The following ZMYM2 variants were observed in gnomAD, a reference collection of about 807,000 sequenced individuals.
The protein encoded by ZMYM2 is zinc finger MYM-type protein 2.
In ZMYM2, 56 loss-of-function variants were observed where a neutral mutation model predicts 162.8. The ratio of observed to expected loss-of-function variants is 0.34; its 90% CI spans 0.28 to 0.43. The LOEUF is 0.43. Among genes scored for constraint, ZMYM2 ranks in the 20% least tolerant of loss-of-function variants. The pLI, the probability that ZMYM2 is intolerant of heterozygous loss-of-function variation, is 1.00. For missense variants in ZMYM2, 1,275 were observed against 1,621.8 expected (o/e 0.79, Z 3.67); for synonymous variants, 510 against 541.6 (o/e 0.94, Z 0.81).
rs1239819535 is a variant in ZMYM2, at chr13:20,086,167, AGT to A, written c.*155_*156del. 6.3e-6 allele frequency: 4 copies of A among 632,370 alleles called. No homozygotes were observed. In the Admixed American group the frequency reaches 1.3e-4, roughly 21 times the overall value. 39.2% of individuals were successfully genotyped at this position (632,370 alleles called of 1,614,324 possible). ...GGTATTACCATGTAAATAATCTGTG[AGT>A]GAAAGTTGCCATTATTCTATGTAGT... On this transcript the variant is annotated 3_prime_UTR_variant, in exon 25 of 25. Coordinates refer to ENST00000610343, the MANE Select transcript of ZMYM2 (RefSeq NM_197968.4).
chr13:19,905,165 C>G, the ZMYM2 span, among the ~76,000 whole-genome samples: 1 of 152,016 alleles, frequency 6.6e-6, no homozygotes, highest in Admixed American at 6.6e-5. Context: ...TCATGCACCA[C>G]CACGCTCCAG....
rs377254375 is a variant in ZMYM2 at position 20,005,212 on chromosome 13, A to G, written c.1272A>G (p.Arg424=). The G allele has an allele frequency of 1.3e-6, 2 of 1,579,208 alleles. No individual in the cohort carries two copies. Among genetic ancestry groups the G allele is most frequent in the African/African-American group, 2.8e-5 (2 of 72,620 alleles). Residue 424 remains arginine, a synonymous_variant, in exon 5 of 25, where the codon AGA becomes AGG. Transcript: ENST00000610343. ...CTAAAGGAGCTCTAAATAAATCAAGATGTACAATCTGTGGTAAACTAACTG... is the reference window on the plus strand; with the variant it reads ...CTAAAGGAGCTCTAAATAAATCAAGGTGTACAATCTGTGGTAAACTAACTG... ...NPTKGALNKS[R]CTICGKLTEI... is the part of the protein sequence containing the mutation.
At chr13:20,028,662 G>A (rs1438169879) in intron 9 of ZMYM2, among the ~76,000 whole-genome samples, 1 of 152,164 alleles carries the variant, frequency 6.6e-6, no homozygotes, top group Non-Finnish European at 1.5e-5. Flanking sequence ...TACAGTGCAA[G>A]TCTTCCTGTG....
At chr13:19,893,611 G>A in the ZMYM2 span, among the ~76,000 whole-genome samples, 3 of 151,650 alleles carry the variant, frequency 2.0e-5, no homozygotes, top group Non-Finnish European at 4.4e-5. Flanking sequence ...GTGGTGGCGG[G>A]TGCCTGTAAT....
At chr13:20,077,890 T>TG (rs762775676) in intron 21 of ZMYM2, among the ~76,000 whole-genome samples, 1 of 151,202 alleles carries the variant, frequency 6.6e-6, no homozygotes, top group Non-Finnish European at 1.5e-5. Context: ...TCACCCAGGC[T>TG]GGAGTGCAGT....
At chr13:20,019,159 A>G (rs182844602) in intron 6 of ZMYM2, among the ~76,000 whole-genome samples, 1 of 152,168 alleles carries the variant, frequency 6.6e-6, no homozygotes, top group East Asian at 1.9e-4. Context: ...TTGTAGCTGT[A>G]TAATCTCCAA....
intron 2 of ZMYM2, among the ~76,000 whole-genome samples, 191 bp from the exon 3 acceptor site, chr13:19,992,872 G>A (rs1405692717): frequency 6.6e-6 from 1 of 151,392 alleles, no homozygotes; most frequent in Non-Finnish European, 1.5e-5. Context: ...TTGTTATCCT[G>A]CAAAAGTTAA....
At chr13:20,075,670 C>CTTTTTTTTTTTTTTTTTTTT (rs56664916) in intron 21 of ZMYM2, among the ~76,000 whole-genome samples, 26 of 75,718 alleles carry the variant, frequency 3.4e-4, no homozygotes, top group African/African-American at 3.8e-4. Flanking sequence ...CTATAGACAC[C>CTTTTTTTTTTTTTTTTTTTT]TTTTTTTTTT....
chr13:19,899,545 C>T, the ZMYM2 span, among the ~76,000 whole-genome samples: 401 of 151,894 alleles, frequency 2.6e-3, 4 homozygotes, highest in African/African-American at 9.3e-3. Context: ...AGGCTGGGCT[C>T]GGTGACTCAT....
the ZMYM2 span, among the ~76,000 whole-genome samples, chr13:19,866,450 G>C: frequency 1.3e-5 from 2 of 152,064 alleles, no homozygotes; most frequent in African/African-American, 4.8e-5. Flanking sequence ...CAGATCACCT[G>C]AGGTCAGGAG....
At chr13:19,978,187 T>C (rs1956960778) in intron 2 of ZMYM2, among the ~76,000 whole-genome samples, 1 of 151,750 alleles carries the variant, frequency 6.6e-6, no homozygotes, top group Non-Finnish European at 1.5e-5. Context: ...TAAAAGTATT[T>C]TTTAAATGGT....
In ZMYM2 at chr13:19,973,682, A is replaced by C. The variant is rs569212699; in HGVS notation, c.-11+13656A>C. Among the ~76,000 whole-genome samples the C allele has an allele frequency of 1.1e-3, 171 of 150,986 alleles. 2 individuals carry two copies. Among genetic ancestry groups the C allele is most frequent in the Middle Eastern group, 3.4e-3 (1 of 294 alleles). On this transcript the variant is annotated intron_variant, in intron 2 of 24. Coordinates refer to ENST00000610343, the MANE Select transcript of ZMYM2 (RefSeq NM_197968.4). ...CGAAACTCCATCTCAAAAAAAAAAA[A>C]AAAAAAACACCAAAAAACAAAACAA...
chr13:19,968,930 GT>G (rs1202756288), intron 2 of ZMYM2, among the ~76,000 whole-genome samples: 1 of 152,172 alleles, frequency 6.6e-6, no homozygotes, highest in Non-Finnish European at 1.5e-5. Flanking sequence ...TATAAACAAA[GT>G]GTAATAGGTA....
the ZMYM2 span, among the ~76,000 whole-genome samples, chr13:19,940,741 G>A: frequency 1.3e-5 from 2 of 152,004 alleles, no homozygotes; most frequent in African/African-American, 4.8e-5. Context: ...AGTGCACTAC[G>A]GGATGAAAAT....
chr13:19,864,316 ACGACGTCCTC>A, the ZMYM2 span: 1 of 155,012 alleles, frequency 6.5e-6, no homozygotes, highest in African/African-American at 2.4e-5. Flanking sequence ...GCAGGAGGAG[ACGACGTCCTC>A]CATTTTGTCG....
At chr13:19,916,153 A>G in the ZMYM2 span, among the ~76,000 whole-genome samples, 2 of 152,098 alleles carry the variant, frequency 1.3e-5, no homozygotes, top group Middle Eastern at 3.4e-3. Context: ...AAGCCACCGC[A>G]CCCACCCGAG....
At chr13:20,038,766 T>A (rs187924060) in intron 12 of ZMYM2, among the ~76,000 whole-genome samples, 144 of 152,256 alleles carry the variant, frequency 9.5e-4, no homozygotes, top group African/African-American at 3.4e-3. Flanking sequence ...TTTGGGCTCT[T>A]TTTTGGTTCC....
At chr13:20,017,143 G>A (rs1217866341) in intron 6 of ZMYM2, among the ~76,000 whole-genome samples, 2 of 152,210 alleles carry the variant, frequency 1.3e-5, no homozygotes, top group Admixed American at 1.3e-4. Context: ...GGTGGTTAAG[G>A]TGTCTAATTA....
At chr13:19,987,860 C>T (rs532810685) in intron 2 of ZMYM2, among the ~76,000 whole-genome samples, 1 of 152,294 alleles carries the variant, frequency 6.6e-6, no homozygotes, top group South Asian at 2.1e-4. Flanking sequence ...AATCTTCTTG[C>T]CTCAGCCTCC....
Sources: gnomAD v4.1 joint callset for allele counts (sites outside exome capture counted in the v4.1 genomes callset) on GRCh38, gnomAD v4.1.1 for gene constraint, MANE v1.5 for transcripts, NCBI Gene and HGNC (gene_info 2026-07-23, HGNC 2026-07-21) for gene names.